GRXCR1: variants seen among roughly 807,000 people sequenced by gnomAD.
The protein encoded by GRXCR1 is glutaredoxin domain-containing cysteine-rich protein 1.
Under a neutral mutation model 27.3 loss-of-function variants are expected in GRXCR1, and 27 were observed. That is an observed-to-expected ratio of 0.99 (90% CI 0.73 to 1.37). GRXCR1 has a LOEUF of 1.37. Among genes scored for constraint, GRXCR1 ranks in the 40% most tolerant of loss-of-function variants. GRXCR1 has a pLI of 0.00. For missense variants in GRXCR1, 379 were observed against 354.4 expected, an observed-to-expected ratio of 1.07 and a Z score of -0.56; for synonymous variants, 122 against 131.1, an observed-to-expected ratio of 0.93 and a Z score of 0.47.
intron 2 of GRXCR1, among the ~76,000 whole-genome samples, chr4:42,976,387 T>G (rs894262234): frequency 6.6e-6 from 1 of 152,094 alleles, no homozygotes; most frequent in Non-Finnish European, 1.5e-5. Flanking sequence ...AAAGAAATCT[T>G]TAAAGATTTT....
At position 42,964,757 on chromosome 4, in the gene GRXCR1, G is replaced by A. The variant is rs73811488; in HGVS notation, c.627+1623G>A. On this transcript the variant is annotated intron_variant, in intron 2 of 3. Coordinates refer to ENST00000399770, the MANE Select transcript of GRXCR1 (RefSeq NM_001080476.3). ...GACCACAAACAGGTCTTAATGCAAA[G>A]TAAGTTTTCAAATGAACATATGTTG... Among the ~76,000 whole-genome samples, 449 of 152,106 alleles carry A rather than the reference G, an allele frequency of 3.0e-3. 2 individuals carry two copies. Among genetic ancestry groups the A allele is most frequent in the African/African-American group, 0.01 (435 of 41,522 alleles).
chr4:42,914,271 G>C (rs1396962063), intron 1 of GRXCR1, among the ~76,000 whole-genome samples: 4 of 152,216 alleles, frequency 2.6e-5, no homozygotes, highest in Admixed American at 2.6e-4. Flanking sequence ...GCAGCTGGGA[G>C]GGGGGCTGTA....
intron 1 of GRXCR1, among the ~76,000 whole-genome samples, chr4:42,936,667 C>T (rs1379520418): frequency 6.6e-6 from 1 of 151,670 alleles, no homozygotes; most frequent in African/African-American, 2.4e-5. Context: ...TGGATCTCAT[C>T]TAGGTTAGAT....
At position 42,905,452 on chromosome 4, in the gene GRXCR1, A is replaced by G. The variant is rs1746564254; in HGVS notation, c.384+11802A>G. Among the ~76,000 whole-genome samples, 4 of 152,358 alleles carry G rather than the reference A, an allele frequency of 2.6e-5. No homozygotes were observed. In the South Asian group the frequency reaches 8.3e-4, roughly 32 times the overall value. On this transcript the variant is annotated intron_variant, in intron 1 of 3. Coordinates refer to ENST00000399770, the MANE Select transcript of GRXCR1 (RefSeq NM_001080476.3). ...TATGGAATGCCTTCTGCTATGAGCC[A>G]CACGGTGGACTGCTAGACATGGCTG...
chr4:42,926,374 A>G (rs1747157553), intron 1 of GRXCR1, among the ~76,000 whole-genome samples: 1 of 152,088 alleles, frequency 6.6e-6, no homozygotes. Flanking sequence ...ACCAGTGCAC[A>G]GAATGGTGCC....
intron 1 of GRXCR1, 61 bp downstream of exon 1, chr4:42,893,711 T>G (rs1012410608): frequency 4.0e-6 from 6 of 1,510,388 alleles, no homozygotes; most frequent in Non-Finnish European, 5.5e-6. Context: ...TGAACACCTC[T>G]CAGTTCTCCA....
chr4:42,920,665 T>C (rs767402866), intron 1 of GRXCR1, among the ~76,000 whole-genome samples: 5 of 152,104 alleles, frequency 3.3e-5, no homozygotes, highest in Non-Finnish European at 4.4e-5. Context: ...AGGGTATAAG[T>C]TTTTTCTCCC....
chr4:42,910,382 T>C (rs1026158644), intron 1 of GRXCR1, among the ~76,000 whole-genome samples: 1 of 151,088 alleles, frequency 6.6e-6, no homozygotes, highest in Non-Finnish European at 1.5e-5. Flanking sequence ...TAGAATGACT[T>C]TCAGAATCTA....
chr4:42,928,693 T>G (rs1331482614), intron 1 of GRXCR1, among the ~76,000 whole-genome samples: 1 of 151,872 alleles, frequency 6.6e-6, no homozygotes, highest in Non-Finnish European at 1.5e-5. Context: ...AGGGGAGAGA[T>G]TGGGCCACAG....
At chr4:42,993,556 A>G (rs1384419345) in intron 2 of GRXCR1, among the ~76,000 whole-genome samples, 4 of 152,162 alleles carry the variant, frequency 2.6e-5, no homozygotes, top group Non-Finnish European at 4.4e-5. Context: ...AGCTTACCTT[A>G]AACATGCTCA....
chr4:42,925,866 G>C (rs771466112), intron 1 of GRXCR1, among the ~76,000 whole-genome samples: 9 of 151,962 alleles, frequency 5.9e-5, no homozygotes, highest in Admixed American at 2.6e-4. Context: ...ACATAAGGCC[G>C]AGTTGGACAC....
At chr4:43,000,820 T>C (rs951176977) in intron 2 of GRXCR1, among the ~76,000 whole-genome samples, 1 of 152,088 alleles carries the variant, frequency 6.6e-6, no homozygotes, top group Non-Finnish European at 1.5e-5. Context: ...TACTAAAACA[T>C]ATGGGGAAAA....
chr4:42,977,419 A>G (rs985787104), intron 2 of GRXCR1, among the ~76,000 whole-genome samples: 2 of 151,928 alleles, frequency 1.3e-5, no homozygotes, highest in African/African-American at 4.8e-5. Context: ...GGCTATGTTA[A>G]TTTACATTTC....
At chr4:43,021,121 TA>T (rs1246219524) in intron 3 of GRXCR1, among the ~76,000 whole-genome samples, 14 of 152,292 alleles carry the variant, frequency 9.2e-5, no homozygotes, top group Middle Eastern at 3.4e-3. Context: ...TATATGTCAC[TA>T]CTGGTTATTA....
At chr4:43,009,079 G>C (rs933721260) in intron 2 of GRXCR1, among the ~76,000 whole-genome samples, 1 of 152,192 alleles carries the variant, frequency 6.6e-6, no homozygotes, top group African/African-American at 2.4e-5. Context: ...AAAATCTCAA[G>C]CTTGCCTTCT....
intron 1 of GRXCR1, among the ~76,000 whole-genome samples, chr4:42,954,002 C>T (rs1432208725): frequency 6.6e-6 from 1 of 151,974 alleles, no homozygotes; most frequent in African/African-American, 2.4e-5. Flanking sequence ...GGGGAAATTA[C>T]CGGCCACCAA....
intron 1 of GRXCR1, among the ~76,000 whole-genome samples, chr4:42,901,077 T>C (rs893892488): frequency 6.6e-6 from 1 of 152,172 alleles, no homozygotes; most frequent in East Asian, 1.9e-4. Flanking sequence ...AAATATCCCC[T>C]TTTTAAGGAC....
chr4:42,905,980 G>T (rs1746580497), intron 1 of GRXCR1, among the ~76,000 whole-genome samples: 1 of 152,032 alleles, frequency 6.6e-6, no homozygotes, highest in South Asian at 2.1e-4. Flanking sequence ...GCTCACATTG[G>T]GTCATGCTTC....
At chr4:43,002,624 A>G (rs1712409653) in intron 2 of GRXCR1, among the ~76,000 whole-genome samples, 1 of 152,176 alleles carries the variant, frequency 6.6e-6, no homozygotes, top group Non-Finnish European at 1.5e-5. Flanking sequence ...TTCTACATAG[A>G]CACAGTGACA....
Sources: allele counts gnomAD v4.1 joint callset (sites outside exome capture counted in the v4.1 genomes callset), GRCh38; gene constraint gnomAD v4.1.1; transcripts MANE v1.5; gene names NCBI Gene and HGNC (gene_info 2026-07-23, HGNC 2026-07-21).